Variants in GMDS observed in about 807,000 individuals in gnomAD.
The protein encoded by GMDS is GDP-mannose 4,6-dehydratase.
A neutral mutation model predicts 49.9 loss-of-function variants in GMDS; 20 were observed. That is an observed-to-expected ratio of 0.40 (90% CI 0.28 to 0.58). GMDS has a LOEUF of 0.58. GMDS is among the 20% of genes least tolerant of loss of function. The pLI, the probability that GMDS is intolerant of heterozygous loss-of-function variation, is 0.42. For missense variants in GMDS, 362 were observed against 481.4 expected (o/e 0.75, Z 2.32); for synonymous variants, 177 against 178.6 (o/e 0.99, Z 0.07).
intron 9 of GMDS, among the ~76,000 whole-genome samples, chr6:1,691,162 T>G (rs1340142584): frequency 6.6e-6 from 1 of 152,180 alleles, no homozygotes; most frequent in South Asian, 2.1e-4. Context: ...ATATATACCA[T>G]GGAATACTAC....
rs1246324735 is a variant in GMDS, at chr6:1,833,818, TAAAC to T, written c.772-91236_772-91233del. 6.6e-6 allele frequency among the ~76,000 whole-genome samples: 1 copy of T among 152,214 alleles called. No homozygotes were observed. The highest frequency in any genetic ancestry group is 1.9e-4 in the East Asian group (1 of 5,200). ...TTAATACCAAACCCAAACTGCTCAT[TAAAC>T]AAACAAAGTAAATTAAGAAGTTGTT... On this transcript the variant is annotated intron_variant, in intron 7 of 10. Coordinates refer to ENST00000380815, the MANE Select transcript of GMDS (RefSeq NM_001500.4). This position sits in a 1 kb window ranked among gnomAD's most constrained non-coding sequence, Gnocchi z 4.4.
intron 7 of GMDS, among the ~76,000 whole-genome samples, chr6:1,772,168 G>A (rs1031188663): frequency 2.0e-5 from 3 of 152,172 alleles, no homozygotes; most frequent in African/African-American, 7.2e-5. Flanking sequence ...CTGTTACAAG[G>A]AAAATGAAGA....
chr6:2,219,350 T>C (rs1040070414), intron 1 of GMDS, among the ~76,000 whole-genome samples: 2 of 152,184 alleles, frequency 1.3e-5, no homozygotes, highest in Non-Finnish European at 2.9e-5. Flanking sequence ...GAGCATGCTG[T>C]CATTAGGCCA....
At chr6:1,944,227 C>T (rs1018170365) in intron 6 of GMDS, among the ~76,000 whole-genome samples, 1 of 152,200 alleles carries the variant, frequency 6.6e-6, no homozygotes, top group African/African-American at 2.4e-5. Context: ...TCACACTCAG[C>T]TGGGCGTTGG....
chr6:1,710,125 T>C (rs1475051551), intron 9 of GMDS, among the ~76,000 whole-genome samples: 1 of 152,248 alleles, frequency 6.6e-6, no homozygotes, highest in African/African-American at 2.4e-5. Context: ...AGCTGTACGC[T>C]TCCCAAGAAT....
chr6:1,978,215 G>T (rs1765021905), intron 4 of GMDS, among the ~76,000 whole-genome samples: 1 of 152,172 alleles, frequency 6.6e-6, no homozygotes, highest in African/African-American at 2.4e-5. Flanking sequence ...AAGCAGCTTT[G>T]TCAGTTAAAG....
rs188634987 is a variant in GMDS, at chr6:1,634,566, T to A, written c.988-10026A>T. Among the ~76,000 whole-genome samples the A allele has an allele frequency of 3.9e-3, 587 of 152,352 alleles. 2 individuals are homozygous for A. The highest frequency in any genetic ancestry group is 6.8e-3 in the Non-Finnish European group (462 of 68,034). On this transcript the variant is annotated intron_variant, in intron 9 of 10. Coordinates refer to ENST00000380815, the MANE Select transcript of GMDS (RefSeq NM_001500.4). Reference sequence around the variant, plus strand: ...CCATGTGCACTATGTAAAAGTCCACTCGTTTACAGTGAGAACCCGCTCACT... The same window carrying A: ...CCATGTGCACTATGTAAAAGTCCACACGTTTACAGTGAGAACCCGCTCACT...
chr6:1,999,564 T>C (rs1397926786), intron 4 of GMDS, among the ~76,000 whole-genome samples: 1 of 151,628 alleles, frequency 6.6e-6, no homozygotes, highest in Non-Finnish European at 1.5e-5. Context: ...GTTCAAATAT[T>C]CTAATGAGGA....
At chr6:2,094,740 A>G (rs1773500325) in intron 4 of GMDS, among the ~76,000 whole-genome samples, 1 of 152,206 alleles carries the variant, frequency 6.6e-6, no homozygotes, top group African/African-American at 2.4e-5. Context: ...TTTTCTCACC[A>G]GAAAGCAGCC....
intron 9 of GMDS, among the ~76,000 whole-genome samples, chr6:1,711,646 T>C (rs1175633091): frequency 6.6e-6 from 1 of 152,198 alleles, no homozygotes; most frequent in Non-Finnish European, 1.5e-5. Context: ...TTGCACACGT[T>C]ATGTCTAGGT....
chr6:1,878,088 C>T (rs1220500759), intron 7 of GMDS, among the ~76,000 whole-genome samples: 9 of 152,084 alleles, frequency 5.9e-5, no homozygotes, highest in East Asian at 5.8e-4. Flanking sequence ...CCGAGGTGGG[C>T]AGATCACGAA....
chr6:1,788,167 C>T (rs1413416111), intron 7 of GMDS, among the ~76,000 whole-genome samples: 2 of 152,114 alleles, frequency 1.3e-5, no homozygotes, highest in African/African-American at 2.4e-5. Context: ...GTAAGGGAGA[C>T]AGAGGCAAAG....
chr6:2,167,485 A>G (rs559186294), intron 1 of GMDS, among the ~76,000 whole-genome samples: 2 of 152,318 alleles, frequency 1.3e-5, no homozygotes, highest in South Asian at 4.1e-4. Context: ...ATGATCTAAA[A>G]GCTAGCAGAA....
chr6:2,227,055 T>G (rs890978831), intron 1 of GMDS, among the ~76,000 whole-genome samples: 2 of 152,212 alleles, frequency 1.3e-5, no homozygotes, highest in Admixed American at 1.3e-4. Flanking sequence ...TAATTACTTC[T>G]GAGTGGTGGG....
At chr6:1,827,321 A>G (rs918458323) in intron 7 of GMDS, among the ~76,000 whole-genome samples, 1 of 151,548 alleles carries the variant, frequency 6.6e-6, no homozygotes, top group Non-Finnish European at 1.5e-5. Context: ...GTATATACAC[A>G]CGTTTTAGAA....
At chr6:1,885,305 AAAAG>A (rs1759549620) in intron 7 of GMDS, among the ~76,000 whole-genome samples, 1 of 152,214 alleles carries the variant, frequency 6.6e-6, no homozygotes, top group Non-Finnish European at 1.5e-5. Flanking sequence ...TTGAAGTTGA[AAAAG>A]AAAAGCTATC....
intron 4 of GMDS, among the ~76,000 whole-genome samples, chr6:1,972,258 TTTTG>T (rs1347371856): frequency 1.6e-5 from 2 of 125,382 alleles, no homozygotes; most frequent in Non-Finnish European, 3.5e-5. Flanking sequence ...TCTCCTGGGT[TTTTG>T]TTTTTTTTTT....
intron 9 of GMDS, among the ~76,000 whole-genome samples, chr6:1,696,424 C>A (rs79453323): frequency 6.6e-6 from 1 of 152,066 alleles, no homozygotes; most frequent in South Asian, 2.1e-4. Context: ...CTGTTCACTG[C>A]TAATTTTGGC....
At chr6:1,948,665 TA>T (rs928818857) in intron 6 of GMDS, among the ~76,000 whole-genome samples, 4 of 149,754 alleles carry the variant, frequency 2.7e-5, no homozygotes, top group Non-Finnish European at 3.0e-5. Context: ...GTGTCTCTAT[TA>T]AAAAAAAAAT....
Sources: gnomAD v4.1 joint callset for allele counts (sites outside exome capture counted in the v4.1 genomes callset) on GRCh38, gnomAD v4.1.1 for gene constraint, Gnocchi (gnomAD v3.1) non-coding constraint, MANE v1.5 for transcripts, NCBI Gene and HGNC (gene_info 2026-07-23, HGNC 2026-07-21) for gene names.